SPEF2: variants seen among roughly 807,000 people sequenced by gnomAD.
SPEF2 encodes the protein sperm flagellar and cilia associated 2.
A neutral mutation model predicts 224.6 loss-of-function variants in SPEF2; 187 were observed. That is an observed-to-expected ratio of 0.83 (90% confidence interval 0.74 to 0.94). The LOEUF is 0.94. SPEF2 is among the 40% of genes least tolerant of loss of function. The pLI is 0.00. For missense variants in SPEF2, 2,170 were observed against 2,135.6 expected, an observed-to-expected ratio of 1.02 and a Z score of -0.32; for synonymous variants, 715 against 707.3, an observed-to-expected ratio of 1.01 and a Z score of -0.17.
At chr5:35,643,219 C>A (rs998097007) in intron 3 of SPEF2, among the ~76,000 whole-genome samples, 42 of 152,250 alleles carry the variant, frequency 2.8e-4, no homozygotes, top group African/African-American at 9.1e-4. Flanking sequence ...GAACTTCAAG[C>A]GTCAATAATT....
rs760627032 is a variant in SPEF2 at position 35,697,825 on chromosome 5, T to C, written c.2141+32T>C. 2.7e-6 allele frequency: 4 copies of C among 1,466,846 alleles called. No homozygotes were observed. In the South Asian group the frequency reaches 4.7e-5, roughly 17 times the overall value. The allele number at this position is 1,466,846 out of a possible 1,614,324, so 90.9% of individuals were successfully genotyped here. On this transcript the variant is annotated intron_variant, in intron 15 of 36. Coordinates refer to ENST00000356031, the MANE Select transcript of SPEF2 (RefSeq NM_024867.4). ...ATTGCATTTTTCTTCCTCTCATCTA[T>C]TTAATATATTCTTTATCACACAAAG...
intron 2 of SPEF2, among the ~76,000 whole-genome samples, chr5:35,633,485 T>G (rs558608048): frequency 6.6e-6 from 1 of 152,202 alleles, no homozygotes; most frequent in African/African-American, 2.4e-5. Flanking sequence ...TTGATATATG[T>G]TTTTCCATCC....
rs775534598 is a variant in SPEF2, at chr5:35,659,238, A to G, written c.1167+31A>G. 5.2e-6 allele frequency: 8 copies of G among 1,539,992 alleles called. No homozygotes were observed. The Admixed American group carries it at 1.3e-4, about 25-fold the overall frequency. On this transcript the variant is annotated intron_variant, in intron 8 of 36. Coordinates refer to ENST00000356031, the MANE Select transcript of SPEF2 (RefSeq NM_024867.4). The stretch of plus-strand genomic sequence containing the variant: ...TACCATCTTCCTTAGAAATCTTTCT[A>G]AGGTTACTTTTGTTTCTTTCTACCA...
intron 33 of SPEF2, among the ~76,000 whole-genome samples, chr5:35,797,326 G>C (rs867815355): frequency 0.055 from 4,896 of 88,372 alleles, 141 homozygotes; most frequent in Middle Eastern, 0.14. Flanking sequence ...GGGTGTGTGT[G>C]TGTGTGTGTG....
intron 26 of SPEF2, chr5:35,764,771 C>T (rs772491669): frequency 1.0e-4 from 47 of 455,052 alleles, no homozygotes; most frequent in South Asian, 7.0e-4. Flanking sequence ...TTTCTCTGAC[C>T]TTCTCATACA....
chr5:35,769,988 A>AAT (rs35174845), intron 26 of SPEF2, among the ~76,000 whole-genome samples: 3,043 of 59,214 alleles, frequency 0.051, 62 homozygotes, highest in African/African-American at 0.16. Flanking sequence ...CTGCCTCCAT[A>AAT]ATGTGTGTGT....
chr5:35,704,403 AT>A, intron 16 of SPEF2, 150 bp from the exon 17 acceptor site: 1 of 531,008 alleles, frequency 1.9e-6, no homozygotes, highest in Non-Finnish European at 3.3e-6. Context: ...TCTCAAAACT[AT>A]ACTCTTTCAA....
intron 36 of SPEF2, chr5:35,808,177 C>G: frequency 3.1e-6 from 3 of 968,302 alleles, no homozygotes; most frequent in Non-Finnish European, 3.7e-6. Context: ...AGTTGCTGAT[C>G]CTTTTAAATA....
chr5:35,645,094 C>A (rs1747168129), intron 4 of SPEF2, among the ~76,000 whole-genome samples: 1 of 152,034 alleles, frequency 6.6e-6, no homozygotes, highest in South Asian at 2.1e-4. Context: ...CTTTAATGAT[C>A]TTCTGTGCCT....
chr5:35,670,029 A>T, intron 9 of SPEF2, 30 bp from the exon 10 acceptor site: 1 of 1,527,882 alleles, frequency 6.5e-7, no homozygotes, highest in Non-Finnish European at 8.9e-7. Context: ...CTAACCATTG[A>T]TTCATCTCTA....
intron 34 of SPEF2, among the ~76,000 whole-genome samples, chr5:35,802,903 G>A (rs1757615827): frequency 6.6e-6 from 1 of 152,178 alleles, no homozygotes; most frequent in African/African-American, 2.4e-5. Flanking sequence ...CACTAAGTCA[G>A]GATCTCTCTG....
chr5:35,632,034 G>A (rs1200057911), intron 2 of SPEF2, among the ~76,000 whole-genome samples: 2 of 152,128 alleles, frequency 1.3e-5, no homozygotes, highest in Non-Finnish European at 2.9e-5. Context: ...TAAGTCTCTA[G>A]GAAGTTCCAC....
At chr5:35,786,318 G>C (rs978438605) in intron 30 of SPEF2, among the ~76,000 whole-genome samples, 2 of 152,028 alleles carry the variant, frequency 1.3e-5, no homozygotes, top group Non-Finnish European at 2.9e-5. Flanking sequence ...ATTTAGAATC[G>C]CAAAAATGGG....
intron 20 of SPEF2, 119 bp downstream of exon 20, chr5:35,713,005 A>G: frequency 1.1e-6 from 1 of 910,902 alleles, no homozygotes; most frequent in Non-Finnish European, 1.6e-6. Flanking sequence ...GCATTTGTAA[A>G]TCATAAGCCC....
intron 30 of SPEF2, among the ~76,000 whole-genome samples, chr5:35,784,286 C>T (rs369447052): frequency 3.4e-4 from 51 of 152,218 alleles, no homozygotes; most frequent in African/African-American, 1.2e-3. Context: ...CGCCACCACA[C>T]CCGGCTAATT....
At chr5:35,642,658 T>G (rs1441917610) in intron 3 of SPEF2, among the ~76,000 whole-genome samples, 2 of 152,216 alleles carry the variant, frequency 1.3e-5, no homozygotes, top group East Asian at 3.8e-4. Context: ...TTTATGCAAT[T>G]CCTTATGGTA....
At chr5:35,755,548 A>G (rs1750307756) in intron 24 of SPEF2, among the ~76,000 whole-genome samples, 1 of 152,198 alleles carries the variant, frequency 6.6e-6, no homozygotes, top group Admixed American at 6.5e-5. Context: ...AGTAAATAAA[A>G]TCTAACATTT....
At chr5:35,638,894 G>A (rs934402444) in intron 2 of SPEF2, among the ~76,000 whole-genome samples, 3 of 152,092 alleles carry the variant, frequency 2.0e-5, no homozygotes, top group Non-Finnish European at 4.4e-5. Context: ...GCTTAACCAT[G>A]GAAAAGTTAA....
intron 33 of SPEF2, among the ~76,000 whole-genome samples, chr5:35,797,738 A>G (rs1057506957): frequency 6.6e-6 from 1 of 152,236 alleles, no homozygotes; most frequent in African/African-American, 2.4e-5. Flanking sequence ...GTCAAACAAC[A>G]AAAGATGTTT....
Sources: allele counts gnomAD v4.1 joint callset (sites outside exome capture counted in the v4.1 genomes callset), GRCh38; gene constraint gnomAD v4.1.1; transcripts MANE v1.5; gene names NCBI Gene and HGNC (gene_info 2026-07-23, HGNC 2026-07-21).